KDM2B: variants seen among roughly 807,000 people sequenced by gnomAD.
The protein encoded by KDM2B is lysine demethylase 2B.
In KDM2B, 26 loss-of-function variants were observed where a neutral mutation model predicts 150.0. The ratio of observed to expected loss-of-function variants is 0.17; its 90% confidence interval spans 0.13 to 0.24. KDM2B has a LOEUF of 0.24. KDM2B is among the 10% of genes least tolerant of loss of function. The pLI, the probability that KDM2B is intolerant of heterozygous loss-of-function variation, is 1.00. For missense variants in KDM2B, 1,265 were observed against 1,816.9 expected (o/e 0.70, Z 5.52); for synonymous variants, 734 against 729.5 (o/e 1.01, Z -0.10).
rs1324520275 is a variant in KDM2B, at chr12:121,542,888, G to C, written c.683+5989C>G. On this transcript the variant is annotated intron_variant, in intron 6 of 22. Coordinates refer to ENST00000377071, the MANE Select transcript of KDM2B (RefSeq NM_032590.5). ...TATGCTCCACGAGAATGGGGACTTGGCTTTATGCACTGAAGTCCACCCACT... is the reference window on the plus strand; with the variant it reads ...TATGCTCCACGAGAATGGGGACTTGCCTTTATGCACTGAAGTCCACCCACT... 2.6e-5 allele frequency among the ~76,000 whole-genome samples: 4 copies of C among 152,202 alleles called. No individual in the cohort carries two copies. The East Asian group carries it at 5.8e-4, about 22-fold the overall frequency.
intron 12 of KDM2B, among the ~76,000 whole-genome samples, chr12:121,482,725 C>CAAAGAG (rs1882296249): frequency 6.6e-6 from 1 of 152,186 alleles, no homozygotes; most frequent in Non-Finnish European, 1.5e-5. Flanking sequence ...TGAAAGACAA[C>CAAAGAG]AAAGACATGA....
intron 12 of KDM2B, among the ~76,000 whole-genome samples, chr12:121,465,525 C>T (rs1006030693): frequency 2.6e-5 from 4 of 152,182 alleles, no homozygotes; most frequent in African/African-American, 9.7e-5. Flanking sequence ...TGAGCCACCG[C>T]GCACGGCCTA....
chr12:121,438,449 G>T (rs1454541971), intron 22 of KDM2B, among the ~76,000 whole-genome samples: 1 of 152,106 alleles, frequency 6.6e-6, no homozygotes, highest in South Asian at 2.1e-4. Flanking sequence ...ATATAATGAA[G>T]AGATGTAATA....
At chr12:121,446,892 C>T (rs576402681) in intron 13 of KDM2B, among the ~76,000 whole-genome samples, 47 of 152,180 alleles carry the variant, frequency 3.1e-4, no homozygotes, top group Non-Finnish European at 2.9e-4. Context: ...TTGGAAAATC[C>T]GCCTAACTCA....
At chr12:121,572,757 T>C (rs530309725) in intron 4 of KDM2B, among the ~76,000 whole-genome samples, 14 of 151,590 alleles carry the variant, frequency 9.2e-5, no homozygotes, top group Middle Eastern at 3.4e-3. Flanking sequence ...TGGGCTCAAG[T>C]GAGCCTCCCG....
chr12:121,445,768 G>A (rs1566271976), intron 13 of KDM2B, among the ~76,000 whole-genome samples: 2 of 152,142 alleles, frequency 1.3e-5, no homozygotes, highest in Admixed American at 1.3e-4. Context: ...GCAGAAGGGG[G>A]GCTGATTTTA....
intron 4 of KDM2B, among the ~76,000 whole-genome samples, chr12:121,557,910 G>GTCCCTCCCCTTGCC (rs1890022467): frequency 6.6e-6 from 1 of 152,178 alleles, no homozygotes; most frequent in Admixed American, 6.5e-5. Context: ...GGGAGGGCTG[G>GTCCCTCCCCTTGCC]TCCCTCCCCT....
At chr12:121,495,801 G>C (rs1555300866) in intron 11 of KDM2B, among the ~76,000 whole-genome samples, 1 of 152,028 alleles carries the variant, frequency 6.6e-6, no homozygotes, top group East Asian at 1.9e-4. Flanking sequence ...AATGTTTTTT[G>C]CAACATGGGC....
At chr12:121,448,697 T>A (rs374063638) in intron 13 of KDM2B, among the ~76,000 whole-genome samples, 3 of 152,118 alleles carry the variant, frequency 2.0e-5, no homozygotes, top group East Asian at 3.9e-4. Flanking sequence ...GGCGCAAATG[T>A]TTGAATTCTA....
intron 11 of KDM2B, among the ~76,000 whole-genome samples, chr12:121,502,234 G>A (rs1386509969): frequency 6.6e-6 from 1 of 152,180 alleles, no homozygotes; most frequent in Non-Finnish European, 1.5e-5. Context: ...CCATGATGCT[G>A]TATTCCAAGT....
At chr12:121,460,491 C>T (rs1878955799) in intron 12 of KDM2B, among the ~76,000 whole-genome samples, 1 of 152,216 alleles carries the variant, frequency 6.6e-6, no homozygotes. Flanking sequence ...CTCGACTTCC[C>T]AGGGCTCAGG....
chr12:121,570,953 T>G (rs1891044334), intron 4 of KDM2B, among the ~76,000 whole-genome samples: 1 of 152,168 alleles, frequency 6.6e-6, no homozygotes, highest in African/African-American at 2.4e-5. Context: ...AAAACAAATG[T>G]TTTTGGATAA....
the KDM2B span, among the ~76,000 whole-genome samples, chr12:121,421,387 A>AAC: frequency 6.7e-6 from 1 of 150,058 alleles, no homozygotes; most frequent in East Asian, 1.9e-4. Context: ...AAAAAAAAAA[A>AAC]AAAAAAAAAA....
At chr12:121,469,933 C>T (rs1880579614) in intron 12 of KDM2B, 1 of 152,004 alleles carries the variant, frequency 6.6e-6, no homozygotes, top group Admixed American at 6.6e-5. Flanking sequence ...CCCGTCTCTA[C>T]TAAAAATACA....
chr12:121,484,774 C>T (rs1245040065), intron 12 of KDM2B, among the ~76,000 whole-genome samples: 3 of 151,850 alleles, frequency 2.0e-5, no homozygotes, highest in East Asian at 3.9e-4. Flanking sequence ...GCTGTGATTG[C>T]GACACTGCAC....
chr12:121,555,851 C>T lies in KDM2B; in HGVS notation c.398-6213G>A, dbSNP rs115963310. 6.8e-3 allele frequency among the ~76,000 whole-genome samples: 1,036 copies of T among 152,152 alleles called. 11 individuals carry two copies. Among genetic ancestry groups the T allele is most frequent in the African/African-American group, 0.024 (1,003 of 41,530 alleles). On this transcript the variant is annotated intron_variant, in intron 4 of 22. Coordinates refer to ENST00000377071, the MANE Select transcript of KDM2B (RefSeq NM_032590.5). ...GGATCCTTCACGAATGCCTTGGTAC[C>T]CTCCTTGCATAAAGAGTGAATTCCC...
chr12:121,560,208 G>C (rs1410982413), intron 4 of KDM2B, among the ~76,000 whole-genome samples: 1 of 151,800 alleles, frequency 6.6e-6, no homozygotes, highest in East Asian at 1.9e-4. Context: ...CACTCTGTTT[G>C]AGACCAGGCT....
chr12:121,557,121 C>T (rs1889957105), intron 4 of KDM2B, among the ~76,000 whole-genome samples: 1 of 151,928 alleles, frequency 6.6e-6, no homozygotes, highest in African/African-American at 2.4e-5. Context: ...AACTGCACTC[C>T]CCCAAAATAT....
rs548582774 is a variant in KDM2B, at chr12:121,534,932, G to A, written c.684-342C>T. Among the ~76,000 whole-genome samples the A allele has an allele frequency of 3.3e-5, 5 of 152,216 alleles. No individual in the cohort carries two copies. In the South Asian group the frequency reaches 1.0e-3, roughly 32 times the overall value. On this transcript the variant is annotated intron_variant, in intron 6 of 22. Transcript: ENST00000377071. ...TTTGCCCCACCTCTGCCCTCCCCCA[G>A]TTAGAGGCTTCCTCTCTGCTCCTTC...
Sources: allele counts gnomAD v4.1 joint callset (sites outside exome capture counted in the v4.1 genomes callset), GRCh38; gene constraint gnomAD v4.1.1; transcripts MANE v1.5; gene names NCBI Gene and HGNC (gene_info 2026-07-23, HGNC 2026-07-21).